The following SHROOM3 variants were observed in gnomAD, a reference collection of about 807,000 sequenced individuals.
SHROOM3 encodes the protein shroom family member 3.
A neutral mutation model predicts 138.6 loss-of-function variants in SHROOM3; 47 were observed. The ratio of observed to expected loss-of-function variants is 0.34; its 90% CI spans 0.27 to 0.43. The LOEUF (loss-of-function observed/expected upper bound fraction) is 0.43. Ranked by LOEUF, SHROOM3 falls within the 20% of genes least tolerant of loss-of-function variation. SHROOM3 has a pLI of 1.00. For missense variants in SHROOM3, 2,491 were observed against 2,596.5 expected (o/e 0.96, Z 0.88); for synonymous variants, 1,062 against 1,063.3 (o/e 1.00, Z 0.02).
At chr4:76,613,108 C>G (rs1471152733) in intron 2 of SHROOM3, among the ~76,000 whole-genome samples, 1 of 152,152 alleles carries the variant, frequency 6.6e-6, no homozygotes, top group Non-Finnish European at 1.5e-5. Context: ...GAATTCCCAG[C>G]ATAACGAGTT....
At chr4:76,646,038 TA>T (rs1735805894) in intron 2 of SHROOM3, among the ~76,000 whole-genome samples, 1 of 151,696 alleles carries the variant, frequency 6.6e-6, no homozygotes, top group Admixed American at 6.6e-5. Context: ...GTGAACTCAC[TA>T]AGTAGGAAAG....
At chr4:76,675,474 A>G (rs576829170) in intron 2 of SHROOM3, among the ~76,000 whole-genome samples, 1 of 152,342 alleles carries the variant, frequency 6.6e-6, no homozygotes, top group Non-Finnish European at 1.5e-5. Context: ...CATGCCTTGT[A>G]CTAGACACTG....
chr4:76,518,299 G>A (rs536928549), intron 1 of SHROOM3, among the ~76,000 whole-genome samples: 10 of 151,998 alleles, frequency 6.6e-5, no homozygotes, highest in African/African-American at 1.9e-4. Context: ...TTATTCATTC[G>A]TAGTGTCCTC....
intron 2 of SHROOM3, among the ~76,000 whole-genome samples, chr4:76,685,730 G>A (rs2110105301): frequency 6.6e-6 from 1 of 152,312 alleles, no homozygotes; most frequent in South Asian, 2.1e-4. Flanking sequence ...TGTAATCCCA[G>A]CATTTTGGGA....
At chr4:76,701,355 C>T in intron 2 of SHROOM3, among the ~76,000 whole-genome samples, 1 of 152,142 alleles carries the variant, frequency 6.6e-6, no homozygotes, top group Non-Finnish European at 1.5e-5. Flanking sequence ...AATCCAAAGG[C>T]AGTATGGAAC....
chr4:76,773,191 A>G (rs909067676), intron 10 of SHROOM3, among the ~76,000 whole-genome samples: 1 of 152,104 alleles, frequency 6.6e-6, no homozygotes, highest in South Asian at 2.1e-4. Context: ...CCTGGCCAAC[A>G]TGGCAAAACC....
chr4:76,738,690 T>G (rs1721153046), intron 4 of SHROOM3, 71 bp from the exon 5 acceptor site: 1 of 1,552,404 alleles, frequency 6.4e-7, no homozygotes. Context: ...ATTTATAAGC[T>G]GGGTCCTCTG....
chr4:76,567,506 C>G (rs151269921), intron 2 of SHROOM3, among the ~76,000 whole-genome samples: 1 of 152,016 alleles, frequency 6.6e-6, no homozygotes, highest in Non-Finnish European at 1.5e-5. Context: ...AAAAATTAGC[C>G]GGGCGTCGTG....
At chr4:76,655,283 G>T (rs998407508) in intron 2 of SHROOM3, among the ~76,000 whole-genome samples, 3 of 152,084 alleles carry the variant, frequency 2.0e-5, no homozygotes, top group Non-Finnish European at 2.9e-5. Context: ...CCATTGTTCT[G>T]CCTCTTTGTT....
At chr4:76,515,935 G>A (rs1160206842) in intron 1 of SHROOM3, among the ~76,000 whole-genome samples, 1 of 152,200 alleles carries the variant, frequency 6.6e-6, no homozygotes, top group East Asian at 1.9e-4. Context: ...TCAAACTCCA[G>A]GTGGGTAGAA....
intron 1 of SHROOM3, among the ~76,000 whole-genome samples, chr4:76,519,552 A>G (rs1483200964): frequency 6.6e-6 from 1 of 152,196 alleles, no homozygotes; most frequent in Non-Finnish European, 1.5e-5. Flanking sequence ...TTCCCCCCAG[A>G]ACAAACATCT....
chr4:76,739,028 C>T lies in SHROOM3; in HGVS notation c.855C>T (p.Ser285=), dbSNP rs200211229. The change falls in exon 5 of 11, where the codon TCC becomes TCT. Residue 285 remains serine (S), a synonymous_variant. Transcript: ENST00000296043. ...TCTCTGGCCGGGAGCGTTCAGGCTC[C>T]ATGGACAATACTTCTGCTCGAGGTG... is the stretch of plus-strand genomic sequence containing the variant. ...PGISGRERSG[S]MDNTSARGGL... 4 of 1,614,110 alleles carry T rather than the reference C, an allele frequency of 2.5e-6. No individual in the cohort carries two copies. The highest frequency in any genetic ancestry group is 3.4e-6 in the Non-Finnish European group (4 of 1,180,044).
At chr4:76,674,931 G>A (rs1482457811) in intron 2 of SHROOM3, among the ~76,000 whole-genome samples, 2 of 152,082 alleles carry the variant, frequency 1.3e-5, no homozygotes, top group Admixed American at 1.3e-4. Flanking sequence ...CAGCAACTGT[G>A]GCATACTAGT....
intron 2 of SHROOM3, among the ~76,000 whole-genome samples, chr4:76,705,419 C>G (rs1353702292): frequency 6.6e-6 from 1 of 152,192 alleles, no homozygotes; most frequent in Non-Finnish European, 1.5e-5. Flanking sequence ...ATCACTTGAG[C>G]CTGGGAGGTC....
rs1719446525 is a variant in SHROOM3 at position 76,689,535 on chromosome 4, G to A, written c.324-20621G>A. On this transcript the variant is annotated intron_variant, in intron 2 of 10. Transcript: ENST00000296043. ...CACCGTGCAGCTGTAGCCGCGGCGC[G>A]GTGGCGCGGTGGCGCAGGGCGCTGC... 4 of 983,898 alleles carry A rather than the reference G, an allele frequency of 4.1e-6. No individual in the cohort carries two copies. In the African/African-American group the frequency reaches 5.3e-5, roughly 13 times the overall value. The allele number at this position is 983,898 out of a possible 1,614,324, so 60.9% of individuals were successfully genotyped here. A position where few individuals can be genotyped will look rare whatever the true frequency, so the allele number is the denominator to read the frequency against.
chr4:76,685,706 C>T (rs58962221), intron 2 of SHROOM3, among the ~76,000 whole-genome samples: 17,455 of 152,186 alleles, frequency 0.11, 1,033 homozygotes, highest in East Asian at 0.16. Context: ...AGGCTGGGCA[C>T]GGTGGCTCAC....
chr4:76,629,662 T>C (rs1735255063), intron 2 of SHROOM3, among the ~76,000 whole-genome samples: 1 of 152,150 alleles, frequency 6.6e-6, no homozygotes, highest in Non-Finnish European at 1.5e-5. Flanking sequence ...TGTATTTATT[T>C]TGAAGGTCGA....
At chr4:76,755,405 G>A (rs1188307589) in intron 7 of SHROOM3, among the ~76,000 whole-genome samples, 1 of 152,176 alleles carries the variant, frequency 6.6e-6, no homozygotes, top group Non-Finnish European at 1.5e-5. Flanking sequence ...TGAAAGCTGG[G>A]ACCCAAGGGG....
At chr4:76,618,652 C>T (rs1161196648) in intron 2 of SHROOM3, among the ~76,000 whole-genome samples, 5 of 152,118 alleles carry the variant, frequency 3.3e-5, no homozygotes, top group South Asian at 2.1e-4. Context: ...GAGTATGGCC[C>T]TTTTATGCCT....
Sources: allele counts gnomAD v4.1 joint callset (sites outside exome capture counted in the v4.1 genomes callset), GRCh38; gene constraint gnomAD v4.1.1; transcripts MANE v1.5; gene names NCBI Gene and HGNC (gene_info 2026-07-23, HGNC 2026-07-21).